PYGO1: variants seen among roughly 807,000 people sequenced by gnomAD.
The protein encoded by PYGO1 is pygopus homolog 1.
In PYGO1, 6 loss-of-function variants were observed where a neutral mutation model predicts 29.5. The observed-to-expected ratio is 0.20, with a 90% CI of 0.11 to 0.40. The LOEUF is 0.40. PYGO1 is among the 10% of genes least tolerant of loss of function. PYGO1 has a pLI of 1.00. For synonymous variants in PYGO1, 186 were observed against 180.5 expected (o/e 1.03, Z -0.24); for missense variants, 515 against 514.9 (o/e 1.00, Z 0.00).
chr15:55,554,671 G>T (rs559128915), intron 1 of PYGO1, among the ~76,000 whole-genome samples: 1 of 151,924 alleles, frequency 6.6e-6, no homozygotes, highest in South Asian at 2.1e-4. Flanking sequence ...GTTTAAAGAG[G>T]AATATAGGTG....
intron 1 of PYGO1, among the ~76,000 whole-genome samples, chr15:55,581,824 A>G (rs2059025991): frequency 6.9e-5 from 1 of 14,486 alleles, no homozygotes; most frequent in Non-Finnish European, 2.5e-4. Context: ...CATGAAACCA[A>G]TAGAGGGTTA....
chr15:55,553,070 C>T (rs947953503), intron 1 of PYGO1, among the ~76,000 whole-genome samples: 1 of 152,144 alleles, frequency 6.6e-6, no homozygotes, highest in African/African-American at 2.4e-5. Flanking sequence ...CTGGGGAGTC[C>T]AGGCAGTCTG....
intron 1 of PYGO1, among the ~76,000 whole-genome samples, chr15:55,553,586 T>G (rs577656924): frequency 6.6e-6 from 1 of 152,100 alleles, no homozygotes; most frequent in South Asian, 2.1e-4. Flanking sequence ...TTTTTTTGTA[T>G]TTTTAGTACA....
Position 55,546,059 on chromosome 15 carries a change from T to G in PYGO1, c.1224A>C (p.Glu408Asp). The part of the protein sequence containing the change: ...DKDVQLMRTR[E>D]TFGPSAVGSD... ...TGCCCACTGCAGATGGACCAAAAGTTTCTCTAGTACGCATTAACTGGACAT... is the reference window on the plus strand; with the variant it reads ...TGCCCACTGCAGATGGACCAAAAGTGTCTCTAGTACGCATTAACTGGACAT... Residue 408 changes from glutamate (E) to aspartate (D), a missense_variant, in exon 3 of 3, where the codon GAA becomes GAC. By Grantham distance (45) the Glu-to-Asp change is conservative. Transcript: ENST00000563719. 6.2e-7 allele frequency: 1 copy of G among 1,612,666 alleles called. No individual in the cohort carries two copies. The highest frequency in any genetic ancestry group is 8.5e-7 in the Non-Finnish European group (1 of 1,178,936).
Position 55,542,388 on chromosome 15 carries a change from T to A in PYGO1, c.*3635A>T, listed in dbSNP as rs542691164. The A allele has an allele frequency of 6.6e-6, 1 of 152,302 alleles. No individual in the cohort carries two copies. The highest frequency in any genetic ancestry group is 1.5e-5 in the Non-Finnish European group (1 of 68,022). 9.4% of individuals were successfully genotyped at this position (152,302 alleles called of 1,614,324 possible). ...AAGAATAAGCACTAGTACAAGAAAA[T>A]CTTTAGTTTTATGTATATAACCTTC... On this transcript the variant is annotated 3_prime_UTR_variant, in exon 3 of 3. Coordinates refer to ENST00000563719, the MANE Select transcript of PYGO1 (RefSeq NM_001367806.1).
At chr15:55,579,578 C>A (rs1032103224) in intron 1 of PYGO1, among the ~76,000 whole-genome samples, 12 of 152,156 alleles carry the variant, frequency 7.9e-5, no homozygotes, top group South Asian at 2.1e-4. Context: ...TGCAGTGGCA[C>A]CATCACAACT....
At chr15:55,565,721 AAAAAAC>A (rs1175437428) in intron 1 of PYGO1, among the ~76,000 whole-genome samples, 1 of 152,096 alleles carries the variant, frequency 6.6e-6, no homozygotes, top group Non-Finnish European at 1.5e-5. Flanking sequence ...CTCCCCCAAA[AAAAAAC>A]AAAAACAAAA....
intron 1 of PYGO1, among the ~76,000 whole-genome samples, chr15:55,552,518 AG>A (rs1265630312): frequency 6.6e-6 from 1 of 152,086 alleles, no homozygotes; most frequent in Non-Finnish European, 1.5e-5. Flanking sequence ...CAGAGAATGA[AG>A]AAAAATGGGG....
Position 55,588,049 on chromosome 15 carries a change from G to GGGAGGA in PYGO1, c.-172_-167dup. ...GACGCGGGCCGACTTTGCAAAGTTT[G>GGGAGGA]GGAGGAGGACGAGGCCTCGGGGCGG... On this transcript the variant is annotated 5_prime_UTR_variant, in exon 1 of 3. Coordinates refer to ENST00000563719, the MANE Select transcript of PYGO1 (RefSeq NM_001367806.1). The GGGAGGA allele has an allele frequency of 8.4e-7, 1 of 1,187,618 alleles. No homozygotes were observed. The highest frequency in any genetic ancestry group is 1.0e-6 in the Non-Finnish European group (1 of 958,056). The allele number at this position is 1,187,618 out of a possible 1,614,324, so 73.6% of individuals were successfully genotyped here.
intron 1 of PYGO1, among the ~76,000 whole-genome samples, chr15:55,585,141 A>G (rs1319668976): frequency 6.6e-6 from 1 of 152,220 alleles, no homozygotes; most frequent in Non-Finnish European, 1.5e-5. Context: ...CTATAATATT[A>G]CTTTCTTAAT....
Position 55,545,097 on chromosome 15 carries a change from AGT to A in PYGO1, c.*924_*925del, listed in dbSNP as rs1203309090. The A allele has an allele frequency of 1.3e-5, 2 of 152,132 alleles. No homozygotes were observed. Among genetic ancestry groups the A allele is most frequent in the Non-Finnish European group, 2.9e-5 (2 of 68,022 alleles). The allele number at this position is 152,132 out of a possible 1,614,324, so 9.4% of individuals were successfully genotyped here. A position where few individuals can be genotyped will look rare whatever the true frequency, so the allele number is the denominator to read the frequency against. On this transcript the variant is annotated 3_prime_UTR_variant, in exon 3 of 3. Coordinates refer to ENST00000563719, the MANE Select transcript of PYGO1 (RefSeq NM_001367806.1). ...AACAAGATTTTTCAAACCACCACTG[AGT>A]AGTTCTTTTACTAGCAGAGCCCTCT...
In PYGO1 at chr15:55,540,146, T is replaced by A. The variant is rs1489538772; in HGVS notation, c.*5877A>T. Reference sequence around the variant, plus strand: ...TTGCCTTCAAGATGAAACATTTTTCTTTAAAATCGTGATTATAACCTTTAT... The same window carrying A: ...TTGCCTTCAAGATGAAACATTTTTCATTAAAATCGTGATTATAACCTTTAT... On this transcript the variant is annotated 3_prime_UTR_variant, in exon 3 of 3. Coordinates refer to ENST00000563719, the MANE Select transcript of PYGO1 (RefSeq NM_001367806.1). The A allele has an allele frequency of 6.6e-6, 1 of 152,124 alleles. No homozygotes were observed. The highest frequency in any genetic ancestry group is 2.4e-5 in the African/African-American group (1 of 41,464). The allele number at this position is 152,124 out of a possible 1,614,324, so 9.4% of individuals were successfully genotyped here. A position where few individuals can be genotyped will look rare whatever the true frequency, so the allele number is the denominator to read the frequency against.
At chr15:55,572,357 T>C (rs1044316395) in intron 1 of PYGO1, among the ~76,000 whole-genome samples, 1 of 152,184 alleles carries the variant, frequency 6.6e-6, no homozygotes, top group Non-Finnish European at 1.5e-5. Flanking sequence ...CACATGCAGA[T>C]GAATGAAACT....
intron 1 of PYGO1, among the ~76,000 whole-genome samples, chr15:55,577,147 A>C (rs12916332): frequency 0.032 from 4,847 of 152,328 alleles, 120 homozygotes; most frequent in East Asian, 0.077. Context: ...AGACAAATGC[A>C]TATCTGATCG....
At chr15:55,552,263 G>A (rs988665642) in intron 1 of PYGO1, among the ~76,000 whole-genome samples, 2 of 151,242 alleles carry the variant, frequency 1.3e-5, no homozygotes, top group Non-Finnish European at 2.9e-5. Flanking sequence ...GCTAAGGCAG[G>A]GAGAATTGCT....
chr15:55,562,459 G>A (rs551752213), intron 1 of PYGO1, among the ~76,000 whole-genome samples: 23 of 152,266 alleles, frequency 1.5e-4, no homozygotes, highest in African/African-American at 5.3e-4. Context: ...ATCACCTGAT[G>A]TCAGGAGTTC....
intron 1 of PYGO1, among the ~76,000 whole-genome samples, chr15:55,563,583 C>T (rs766826136): frequency 6.6e-6 from 1 of 152,034 alleles, no homozygotes; most frequent in Non-Finnish European, 1.5e-5. Context: ...AGCTCCTGAC[C>T]TCGTGATCCG....
In PYGO1 at chr15:55,588,181, G is replaced by GTGCGCC. The variant is rs2059058175; in HGVS notation, c.-304_-299dup. 2 of 357,032 alleles carry GTGCGCC rather than the reference G, an allele frequency of 5.6e-6. No homozygotes were observed. The highest frequency in any genetic ancestry group is 7.7e-6 in the Non-Finnish European group (2 of 258,088). The allele number at this position is 357,032 out of a possible 1,614,324, so 22.1% of individuals were successfully genotyped here. A position where few individuals can be genotyped will look rare whatever the true frequency, so the allele number is the denominator to read the frequency against. ...CGGGGCCGGCATGTGCTGAGGGCGA[G>GTGCGCC]TGCGCCGCCGCCGCCGCCGCCTCCT... On this transcript the variant is annotated 5_prime_UTR_variant, in exon 1 of 3. Coordinates refer to ENST00000563719, the MANE Select transcript of PYGO1 (RefSeq NM_001367806.1).
chr15:55,566,541 G>C (rs921522013), intron 1 of PYGO1, among the ~76,000 whole-genome samples: 1 of 152,092 alleles, frequency 6.6e-6, no homozygotes, highest in African/African-American at 2.4e-5. Flanking sequence ...ATGTACATGT[G>C]ATTATGTGTC....
Sources: allele counts gnomAD v4.1 joint callset (sites outside exome capture counted in the v4.1 genomes callset), GRCh38; gene constraint gnomAD v4.1.1; transcripts MANE v1.5; gene names NCBI Gene and HGNC (gene_info 2026-07-23, HGNC 2026-07-21).